The following IAH1 variants were observed in gnomAD, a reference collection of about 807,000 sequenced individuals.
The protein encoded by IAH1 is isoamyl acetate-hydrolyzing esterase 1 homolog.
Under a neutral mutation model 26.7 loss-of-function variants are expected in IAH1, and 24 were observed. The ratio of observed to expected loss-of-function variants is 0.90; its 90% CI spans 0.65 to 1.26. IAH1 has a LOEUF of 1.26. IAH1 is among the 50% of genes most tolerant of loss of function. The pLI is 0.00. For missense variants in IAH1, 300 were observed against 299.9 expected (o/e 1.00, Z 0.00); for synonymous variants, 140 against 118.5 (o/e 1.18, Z -1.18).
chr2:9,479,669 T>C (rs1002279586), intron 3 of IAH1, among the ~76,000 whole-genome samples: 3 of 152,094 alleles, frequency 2.0e-5, no homozygotes, highest in Non-Finnish European at 4.4e-5. Flanking sequence ...GGTGAGAGAA[T>C]AGCTTGTGAT....
At chr2:9,510,116 T>C in the IAH1 span, 1 of 1,614,176 alleles carries the variant, frequency 6.2e-7, no homozygotes, top group Non-Finnish European at 8.5e-7. Context: ...TCATGAGTTG[T>C]AACCAGGTCA....
downstream of IAH1, chr2:9,496,975 C>T: frequency 7.6e-7 from 1 of 1,312,630 alleles, no homozygotes; most frequent in Non-Finnish European, 1.0e-6. Flanking sequence ...AGACACCACC[C>T]TGCCCTTCCC....
At chr2:9,496,155 G>A in intron 6 of IAH1, among the ~76,000 whole-genome samples, 1 of 151,892 alleles carries the variant, frequency 6.6e-6, no homozygotes, top group South Asian at 2.1e-4. Context: ...TTGAAATGGA[G>A]TCTCGCTCTG....
At chr2:9,499,903 G>C (rs1420243932), downstream of IAH1, among the ~76,000 whole-genome samples, 1 of 152,170 alleles carries the variant, frequency 6.6e-6, no homozygotes, top group Non-Finnish European at 1.5e-5. Context: ...CAATAAAAAA[G>C]ATAACAAGTG....
chr2:9,496,735 G>C (rs191534982), downstream of IAH1, among the ~76,000 whole-genome samples: 11 of 152,308 alleles, frequency 7.2e-5, no homozygotes, highest in Middle Eastern at 6.8e-3. Context: ...GAGTATCCTA[G>C]TTCCATGCCA....
Position 9,489,259 on chromosome 2 carries a change from A to ATTTTTTTTTTTTTTTTTTTTTTTTTTTT in IAH1, c.*954_*955insTTTTTTTTTTTTTTTTTTTTTTTTTTTT, listed in dbSNP as rs34525911. 8.0e-5 allele frequency: 7 copies of ATTTTTTTTTTTTTTTTTTTTTTTTTTTT among 87,412 alleles called. No individual in the cohort carries two copies. Among genetic ancestry groups the ATTTTTTTTTTTTTTTTTTTTTTTTTTTT allele is most frequent in the African/African-American group, 4.5e-4 (7 of 15,492 alleles). 5.4% of individuals were successfully genotyped at this position (87,412 alleles called of 1,614,324 possible). On this transcript the variant is annotated 3_prime_UTR_variant, in exon 6 of 6. Transcript: ENST00000497473. ...AATATTCTAGGTTTGTAGATAGTGA[A>ATTTTTTTTTTTTTTTTTTTTTTTTTTTT]TTTTTTTTTTTTTTTTTTTTTTTTG...
intron 2 of IAH1, among the ~76,000 whole-genome samples, chr2:9,477,473 C>T (rs73158048): frequency 1.6e-3 from 244 of 151,358 alleles, no homozygotes; most frequent in African/African-American, 5.7e-3. Flanking sequence ...CAAATCATAT[C>T]ATTTTACCAA....
downstream of IAH1, chr2:9,492,831 G>A (rs2124959804): frequency 1.5e-6 from 2 of 1,372,754 alleles, no homozygotes; most frequent in South Asian, 2.8e-5. Context: ...CTTTTCCAGA[G>A]ATTACATGGT....
At chr2:9,490,551 A>ACCTCCG, downstream of IAH1, 1 of 1,579,364 alleles carries the variant, frequency 6.3e-7, no homozygotes, top group South Asian at 1.1e-5. Context: ...GATTGATAGG[A>ACCTCCG]ATAAAAGATG....
At chr2:9,489,979 G>T, downstream of IAH1, 1 of 516,638 alleles carries the variant, frequency 1.9e-6, no homozygotes, top group Non-Finnish European at 3.4e-6. Flanking sequence ...AAATAAGCTA[G>T]ATTCACCTTC....
intron 3 of IAH1, among the ~76,000 whole-genome samples, chr2:9,480,532 C>G (rs1424843580): frequency 2.0e-5 from 3 of 152,274 alleles, no homozygotes; most frequent in Middle Eastern, 3.4e-3. Flanking sequence ...AATATGAAGT[C>G]TTCAGTGTGA....
intron 2 of IAH1, among the ~76,000 whole-genome samples, chr2:9,477,003 C>G (rs1660841553): frequency 6.6e-6 from 1 of 152,224 alleles, no homozygotes; most frequent in African/African-American, 2.4e-5. Context: ...ACCTCAGCCT[C>G]CTGAGTAGCT....
downstream of IAH1, among the ~76,000 whole-genome samples, chr2:9,498,056 G>T (rs1179049275): frequency 6.6e-6 from 1 of 152,002 alleles, no homozygotes; most frequent in Non-Finnish European, 1.5e-5. Flanking sequence ...TTGAGACAGG[G>T]TCTCAGTCTG....
Position 9,488,425 on chromosome 2 carries a change from C to A in IAH1, c.*96C>A. 1 of 879,556 alleles carries A rather than the reference C, an allele frequency of 1.1e-6. No individual in the cohort carries two copies. 54.5% of individuals were successfully genotyped at this position (879,556 alleles called of 1,614,324 possible). On this transcript the variant is annotated 3_prime_UTR_variant, in exon 6 of 6. Transcript: ENST00000497473. ...TTTTTCCTCAGGCTTAAACCTTTGC[C>A]ACTGATATTAATAATAAAAGTATTA...
At chr2:9,497,474 C>A (rs1662700660), downstream of IAH1, among the ~76,000 whole-genome samples, 1 of 152,208 alleles carries the variant, frequency 6.6e-6, no homozygotes, top group Non-Finnish European at 1.5e-5. Flanking sequence ...GCCTCCCAAG[C>A]CCCAGTTAGA....
chr2:9,492,529 C>G (rs1662241415), downstream of IAH1, among the ~76,000 whole-genome samples: 2 of 152,154 alleles, frequency 1.3e-5, no homozygotes, highest in Non-Finnish European at 1.5e-5. Context: ...TGGGGAACAT[C>G]TGAAATGCCG....
upstream of IAH1, chr2:9,474,543 C>T: frequency 2.1e-6 from 3 of 1,400,504 alleles, no homozygotes; most frequent in Non-Finnish European, 2.8e-6. This position sits in a 1 kb window ranked among gnomAD's most constrained non-coding sequence, Gnocchi z 4.3. Flanking sequence ...CTGGCGGCCC[C>T]GCCCCGCCCC....
chr2:9,475,750 C>T (rs1682452140), intron 1 of IAH1: 3 of 571,598 alleles, frequency 5.2e-6, no homozygotes, highest in African/African-American at 3.8e-5. Flanking sequence ...ATCCGCCCGC[C>T]TTGGCCTCCC....
At chr2:9,481,825 C>G (rs1661192337) in intron 4 of IAH1, among the ~76,000 whole-genome samples, 1 of 152,020 alleles carries the variant, frequency 6.6e-6, no homozygotes, top group Non-Finnish European at 1.5e-5. Context: ...GGGCTTTTTA[C>G]TGGTCCACAG....
Sources: gnomAD v4.1 joint callset for allele counts (sites outside exome capture counted in the v4.1 genomes callset) on GRCh38, gnomAD v4.1.1 for gene constraint, Gnocchi (gnomAD v3.1) non-coding constraint, MANE v1.5 for transcripts, NCBI Gene and HGNC (gene_info 2026-07-23, HGNC 2026-07-21) for gene names.